TNFSF4: variants seen among roughly 807,000 people sequenced by gnomAD.
TNFSF4 encodes TNF superfamily member 4, also known as tumor necrosis factor ligand superfamily member 4.
Under a neutral mutation model 7.3 loss-of-function variants are expected in TNFSF4, and 4 were observed. The observed-to-expected ratio is 0.55, with a 90% CI of 0.27 to 1.25. TNFSF4 has a LOEUF of 1.25. TNFSF4 is among the 50% of genes most tolerant of loss of function. The probability of loss-of-function intolerance (pLI) is 0.12; values close to 1 mark genes in which losing one functional copy is unlikely to be tolerated. For synonymous variants in TNFSF4, 76 were observed against 83.7 expected, an observed-to-expected ratio of 0.91 and a Z score of 0.50; for missense variants, 181 against 208.8, an observed-to-expected ratio of 0.87 and a Z score of 0.82.
the TNFSF4 span, among the ~76,000 whole-genome samples, chr1:173,395,879 C>T: frequency 6.6e-6 from 1 of 152,116 alleles, no homozygotes. Flanking sequence ...TTCCCACCCA[C>T]AGTACAAGTG....
At chr1:173,278,053 T>A in the TNFSF4 span, among the ~76,000 whole-genome samples, 1 of 152,112 alleles carries the variant, frequency 6.6e-6, no homozygotes, top group Non-Finnish European at 1.5e-5. Flanking sequence ...GATTTGCTCA[T>A]CTAAGAAGAA....
chr1:173,328,054 T>C, the TNFSF4 span, among the ~76,000 whole-genome samples: 6 of 152,092 alleles, frequency 3.9e-5, no homozygotes, highest in Admixed American at 6.6e-5. Flanking sequence ...CACATGCACA[T>C]GTATGGTTAT....
At chr1:173,391,355 CTGAT>C in the TNFSF4 span, among the ~76,000 whole-genome samples, 1 of 137,494 alleles carries the variant, frequency 7.3e-6, no homozygotes, top group South Asian at 2.4e-4. Context: ...TTAGCTCTCT[CTGAT>C]TATTTCCAAA....
chr1:173,223,115 A>C, the TNFSF4 span, among the ~76,000 whole-genome samples: 1 of 152,234 alleles, frequency 6.6e-6, no homozygotes, highest in African/African-American at 2.4e-5. Context: ...TTATGGAAGT[A>C]ACTGGGCAAA....
chr1:173,387,833 A>G, the TNFSF4 span, among the ~76,000 whole-genome samples: 1 of 152,220 alleles, frequency 6.6e-6, no homozygotes, highest in Non-Finnish European at 1.5e-5. Flanking sequence ...ATTACTGAGC[A>G]TATTTTAAAG....
intron 1 of TNFSF4, among the ~76,000 whole-genome samples, chr1:173,192,561 G>T (rs10912558): frequency 0.18 from 28,026 of 152,122 alleles, 2,742 homozygotes; most frequent in Middle Eastern, 0.27. Flanking sequence ...GTTAGGAATG[G>T]GGGAGGAATA....
At chr1:173,180,767 G>A (rs1450554503), downstream of TNFSF4, among the ~76,000 whole-genome samples, 1 of 152,130 alleles carries the variant, frequency 6.6e-6, no homozygotes, top group Non-Finnish European at 1.5e-5. Flanking sequence ...TTTTATCAAT[G>A]CTACTTACTG....
the TNFSF4 span, among the ~76,000 whole-genome samples, chr1:173,371,630 C>T: frequency 6.6e-6 from 1 of 152,130 alleles, no homozygotes; most frequent in Non-Finnish European, 1.5e-5. Flanking sequence ...ACAGTCCCTG[C>T]CACACCCCAA....
chr1:173,364,382 T>A, the TNFSF4 span, among the ~76,000 whole-genome samples: 1 of 140,772 alleles, frequency 7.1e-6, no homozygotes, highest in South Asian at 2.2e-4. Flanking sequence ...GGTGTATGTG[T>A]ATATATATAT....
chr1:173,232,936 A>G, the TNFSF4 span, among the ~76,000 whole-genome samples: 4 of 152,068 alleles, frequency 2.6e-5, no homozygotes, highest in South Asian at 8.3e-4. Context: ...TTTCCAACTG[A>G]GGAACACAGC....
At chr1:173,202,222 C>A (rs1316483244) in intron 1 of TNFSF4, among the ~76,000 whole-genome samples, 1 of 152,092 alleles carries the variant, frequency 6.6e-6, no homozygotes, top group African/African-American at 2.4e-5. Flanking sequence ...TAGATCTATA[C>A]CTAGAGCCTT....
chr1:173,396,729 CAT>C, the TNFSF4 span, among the ~76,000 whole-genome samples: 1 of 152,178 alleles, frequency 6.6e-6, no homozygotes, highest in East Asian at 1.9e-4. Context: ...ATTGGTTTAA[CAT>C]AGAGGAAGAG....
chr1:173,348,212 A>T, the TNFSF4 span, among the ~76,000 whole-genome samples: 1 of 152,166 alleles, frequency 6.6e-6, no homozygotes, highest in African/African-American at 2.4e-5. Context: ...CAAGTGGGAG[A>T]TAATTGAATT....
the TNFSF4 span, among the ~76,000 whole-genome samples, chr1:173,240,839 T>C: frequency 2.6e-5 from 4 of 152,338 alleles, no homozygotes; most frequent in East Asian, 7.7e-4. Flanking sequence ...CAGCACTTGA[T>C]ATTATCTGAC....
the TNFSF4 span, among the ~76,000 whole-genome samples, chr1:173,278,430 G>A: frequency 6.6e-6 from 1 of 151,948 alleles, no homozygotes; most frequent in African/African-American, 2.4e-5. Flanking sequence ...TTCATTTCAG[G>A]TTCCAACTGG....
the TNFSF4 span, among the ~76,000 whole-genome samples, chr1:173,255,643 A>G: frequency 6.6e-6 from 1 of 152,238 alleles, no homozygotes; most frequent in African/African-American, 2.4e-5. Context: ...GACAGTTTAC[A>G]CTGTTGACTA....
the TNFSF4 span, among the ~76,000 whole-genome samples, chr1:173,420,213 C>A: frequency 8.4e-4 from 124 of 146,792 alleles, no homozygotes; most frequent in Middle Eastern, 3.5e-3. Context: ...AACAAACAAA[C>A]AAAAAAAAAA....
chr1:173,203,370 T>C (rs1391059525), intron 1 of TNFSF4, among the ~76,000 whole-genome samples: 1 of 152,230 alleles, frequency 6.6e-6, no homozygotes. Flanking sequence ...ACTTCAGATG[T>C]TAATTTTTTA....
At chr1:173,270,942 A>T in the TNFSF4 span, among the ~76,000 whole-genome samples, 3 of 152,172 alleles carry the variant, frequency 2.0e-5, no homozygotes, top group African/African-American at 7.2e-5. Flanking sequence ...TTGAAAGTTC[A>T]TGAGAAAATG....
Sources: allele counts gnomAD v4.1 joint callset (sites outside exome capture counted in the v4.1 genomes callset), GRCh38; gene constraint gnomAD v4.1.1; transcripts MANE v1.5; gene names NCBI Gene and HGNC (gene_info 2026-07-23, HGNC 2026-07-21).